Variants in CAMKMT observed in about 807,000 individuals in gnomAD.
CAMKMT encodes the protein calmodulin-lysine N-methyltransferase.
Under a neutral mutation model 48.0 loss-of-function variants are expected in CAMKMT, and 53 were observed. The ratio of observed to expected loss-of-function variants is 1.10; its 90% CI spans 0.89 to 1.39. The LOEUF (loss-of-function observed/expected upper bound fraction) is 1.39. Among genes scored for constraint, CAMKMT ranks in the 40% most tolerant of loss-of-function variants. The probability of loss-of-function intolerance (pLI) is 0.00; values close to 1 mark genes in which losing one functional copy is unlikely to be tolerated. For missense variants in CAMKMT, 428 were observed against 402.7 expected, an observed-to-expected ratio of 1.06 and a Z score of -0.54; for synonymous variants, 165 against 152.3, an observed-to-expected ratio of 1.08 and a Z score of -0.61.
At chr2:44,742,560 C>T (rs1679737390) in intron 7 of CAMKMT, among the ~76,000 whole-genome samples, 1 of 152,082 alleles carries the variant, frequency 6.6e-6, no homozygotes, top group African/African-American at 2.4e-5. Flanking sequence ...TCAGTAGGAA[C>T]GAGTTGGACA....
intron 3 of CAMKMT, among the ~76,000 whole-genome samples, chr2:44,582,201 T>C (rs1669603367): frequency 6.6e-6 from 1 of 152,190 alleles, no homozygotes; most frequent in Admixed American, 6.5e-5. Flanking sequence ...AGAAAGAATG[T>C]CTTTAGTCTA....
intron 3 of CAMKMT, among the ~76,000 whole-genome samples, chr2:44,655,205 T>G (rs1319280745): frequency 6.6e-6 from 1 of 152,216 alleles, no homozygotes; most frequent in Admixed American, 6.6e-5. Context: ...TTTTGGCTCT[T>G]CATGGCAATA....
At chr2:44,487,247 GA>G (rs1244023932) in intron 3 of CAMKMT, among the ~76,000 whole-genome samples, 1 of 151,930 alleles carries the variant, frequency 6.6e-6, no homozygotes, top group Non-Finnish European at 1.5e-5. Flanking sequence ...ATAAAAATGT[GA>G]AATCAGCTTT....
At chr2:44,757,204 C>T (rs1441182424) in intron 9 of CAMKMT, among the ~76,000 whole-genome samples, 1 of 152,232 alleles carries the variant, frequency 6.6e-6, no homozygotes, top group Non-Finnish European at 1.5e-5. Flanking sequence ...GGGATGCTGG[C>T]TTGGCTGATG....
chr2:44,724,042 G>A (rs1447329194), intron 7 of CAMKMT, among the ~76,000 whole-genome samples: 1 of 152,140 alleles, frequency 6.6e-6, no homozygotes, highest in Non-Finnish European at 1.5e-5. Flanking sequence ...CTGTCCTTAG[G>A]GGAACTGTCA....
chr2:44,550,842 G>A (rs1667673558), intron 3 of CAMKMT: 1 of 152,206 alleles, frequency 6.6e-6, no homozygotes, highest in South Asian at 2.1e-4. Flanking sequence ...ACTGTTGCAA[G>A]TTATCAAAGG....
chr2:44,734,379 A>G (rs1679245718), intron 7 of CAMKMT, among the ~76,000 whole-genome samples: 1 of 151,884 alleles, frequency 6.6e-6, no homozygotes, highest in African/African-American at 2.4e-5. Context: ...ATTGATTTCT[A>G]GTTTAATTCC....
At chr2:44,614,412 A>G (rs137942974) in intron 3 of CAMKMT, among the ~76,000 whole-genome samples, 120 of 152,336 alleles carry the variant, frequency 7.9e-4, no homozygotes, top group Non-Finnish European at 1.3e-3. Flanking sequence ...TGCATTCTTC[A>G]TATTTGTCGA....
chr2:44,611,122 T>C (rs1671573215), intron 3 of CAMKMT, among the ~76,000 whole-genome samples: 1 of 152,252 alleles, frequency 6.6e-6, no homozygotes, highest in Admixed American at 6.5e-5. Flanking sequence ...ATGGTTAGGC[T>C]GAGTCCATTT....
At chr2:44,536,130 T>C (rs1666761650) in intron 3 of CAMKMT, among the ~76,000 whole-genome samples, 1 of 152,050 alleles carries the variant, frequency 6.6e-6, no homozygotes, top group African/African-American at 2.4e-5. Flanking sequence ...AAAGAAAATA[T>C]CTAGACATAA....
chr2:44,763,289 A>G (rs1246477889), intron 9 of CAMKMT, among the ~76,000 whole-genome samples: 2 of 152,240 alleles, frequency 1.3e-5, no homozygotes, highest in East Asian at 3.8e-4. Context: ...TCGTGGGTAC[A>G]GTGTTGTGCA....
At chr2:44,734,314 G>T (rs1224542225) in intron 7 of CAMKMT, among the ~76,000 whole-genome samples, 1 of 151,628 alleles carries the variant, frequency 6.6e-6, no homozygotes, top group African/African-American at 2.4e-5. Context: ...TGGACCCCAG[G>T]TTATTTAGAA....
intron 3 of CAMKMT, among the ~76,000 whole-genome samples, chr2:44,679,360 A>G (rs1170988163): frequency 1.3e-5 from 2 of 151,906 alleles, no homozygotes; most frequent in African/African-American, 4.8e-5. Context: ...ATTTTTTTCC[A>G]CTCTGATTAC....
At chr2:44,600,312 T>A (rs2103854399) in intron 3 of CAMKMT, among the ~76,000 whole-genome samples, 1 of 151,970 alleles carries the variant, frequency 6.6e-6, no homozygotes, top group Middle Eastern at 3.4e-3. Flanking sequence ...TGTTGCCCAG[T>A]CTGGAGTCCA....
intron 3 of CAMKMT, among the ~76,000 whole-genome samples, chr2:44,578,349 T>C (rs779729994): frequency 1.3e-5 from 2 of 152,258 alleles, no homozygotes; most frequent in Non-Finnish European, 2.9e-5. Context: ...GATGTATTCA[T>C]ACTAACAGTG....
At chr2:44,686,060 C>T (rs142044161) in intron 3 of CAMKMT, among the ~76,000 whole-genome samples, 4 of 152,100 alleles carry the variant, frequency 2.6e-5, no homozygotes, top group South Asian at 2.1e-4. Flanking sequence ...CTGACAGACA[C>T]CTTCATCAGC....
At chr2:44,767,293 G>A (rs907195427) in intron 10 of CAMKMT, among the ~76,000 whole-genome samples, 2 of 152,102 alleles carry the variant, frequency 1.3e-5, no homozygotes, top group Non-Finnish European at 2.9e-5. Context: ...TGTGCCTTAC[G>A]GAAATCTCCC....
chr2:44,475,981 C>A (rs1315043921), intron 3 of CAMKMT, among the ~76,000 whole-genome samples: 1 of 152,048 alleles, frequency 6.6e-6, no homozygotes, highest in Non-Finnish European at 1.5e-5. Flanking sequence ...ATGTATGGTA[C>A]CATAAATACC....
chr2:44,675,763 A>G (rs185360938), intron 3 of CAMKMT, among the ~76,000 whole-genome samples: 205 of 152,228 alleles, frequency 1.3e-3, no homozygotes, highest in African/African-American at 4.6e-3. Flanking sequence ...TACCACCATC[A>G]ATTTCCAGAG....
Sources: allele counts gnomAD v4.1 joint callset (sites outside exome capture counted in the v4.1 genomes callset), GRCh38; gene constraint gnomAD v4.1.1; transcripts MANE v1.5; gene names NCBI Gene and HGNC (gene_info 2026-07-23, HGNC 2026-07-21).